The following EBF2 variants were observed in gnomAD, a reference collection of about 807,000 sequenced individuals.
EBF2 encodes transcription factor COE2.
EBF2 carries 21 observed loss-of-function variants against 72.8 expected under a neutral mutation model. The ratio of observed to expected loss-of-function variants is 0.29; its 90% CI spans 0.20 to 0.42. The LOEUF (loss-of-function observed/expected upper bound fraction) is 0.42. Among genes scored for constraint, EBF2 ranks in the 10% least tolerant of loss-of-function variants. The probability of loss-of-function intolerance (pLI) is 1.00; values close to 1 mark genes in which losing one functional copy is unlikely to be tolerated. For missense variants in EBF2, 637 were observed against 731.2 expected (o/e 0.87, Z 1.49); for synonymous variants, 299 against 274.2 (o/e 1.09, Z -0.89).
At chr8:25,859,893 T>A (rs1045929089) in intron 13 of EBF2, among the ~76,000 whole-genome samples, 1 of 152,044 alleles carries the variant, frequency 6.6e-6, no homozygotes, top group Non-Finnish European at 1.5e-5. Context: ...ATTTTTGTAT[T>A]TTTTGTAGAC....
Position 26,039,847 on chromosome 8 carries a change from T to C in EBF2, c.482+181A>G, listed in dbSNP as rs567046166. 2.6e-5 allele frequency among the ~76,000 whole-genome samples: 4 copies of C among 152,316 alleles called. No homozygotes were observed. In the East Asian group the frequency reaches 7.7e-4, roughly 29 times the overall value. Reference sequence around the variant, plus strand: ...GAGTCGTTCTGAGTCCCAATGGTTATGCTTTAAGACACTTGCATGAAGGGG... The same window carrying C: ...GAGTCGTTCTGAGTCCCAATGGTTACGCTTTAAGACACTTGCATGAAGGGG... On this transcript the variant is annotated intron_variant, in intron 5 of 15. Transcript: ENST00000520164.
At position 25,844,453 on chromosome 8, in the gene EBF2, G is replaced by A. The variant is rs116166848; in HGVS notation, c.*156C>T. The A allele has an allele frequency of 2.6e-4, 191 of 740,816 alleles. 2 individuals carry two copies. In the African/African-American group the frequency reaches 2.8e-3, roughly 11 times the overall value. 45.9% of individuals were successfully genotyped at this position (740,816 alleles called of 1,614,324 possible). On this transcript the variant is annotated 3_prime_UTR_variant, in exon 16 of 16. Coordinates refer to ENST00000520164, the MANE Select transcript of EBF2 (RefSeq NM_022659.4). ...GCCACCATCAGAGCTATAGGAGGAC[G>A]TGGGACCAAGTAAGATGCTGGCTCC...
At chr8:25,940,220 T>C (rs1246289441) in intron 6 of EBF2, among the ~76,000 whole-genome samples, 2 of 152,226 alleles carry the variant, frequency 1.3e-5, no homozygotes, top group Admixed American at 1.3e-4. Context: ...CCAGGGTTGC[T>C]ATGACTTATG....
At chr8:25,898,237 G>T (rs1326807626) in intron 7 of EBF2, among the ~76,000 whole-genome samples, 1 of 152,150 alleles carries the variant, frequency 6.6e-6, no homozygotes, top group Non-Finnish European at 1.5e-5. Context: ...TCAAGAAAGT[G>T]AGATTTAAGA....
intron 6 of EBF2, among the ~76,000 whole-genome samples, chr8:25,948,411 A>C (rs1001587407): frequency 1.3e-5 from 2 of 152,216 alleles, no homozygotes; most frequent in Non-Finnish European, 2.9e-5. Flanking sequence ...CAAAGGAAGC[A>C]GAATAGCTCC....
At chr8:25,898,511 G>C (rs1359082366) in intron 7 of EBF2, among the ~76,000 whole-genome samples, 1 of 150,544 alleles carries the variant, frequency 6.6e-6, no homozygotes, top group Non-Finnish European at 1.5e-5. Context: ...CATCTGCTTT[G>C]CAATACTGAA....
chr8:25,858,222 A>C, intron 14 of EBF2, 97 bp downstream of exon 14: 1 of 1,449,122 alleles, frequency 6.9e-7, no homozygotes, highest in Non-Finnish European at 9.6e-7. Context: ...CCGACAACTT[A>C]GGAAGATTTA....
chr8:25,925,655 A>T, intron 6 of EBF2, among the ~76,000 whole-genome samples: 1 of 152,064 alleles, frequency 6.6e-6, no homozygotes, highest in East Asian at 1.9e-4. Context: ...GGAACACAGA[A>T]TCACTCTTTG....
At chr8:25,905,186 A>G (rs563620844) in intron 7 of EBF2, among the ~76,000 whole-genome samples, 48 of 152,290 alleles carry the variant, frequency 3.2e-4, no homozygotes, top group Middle Eastern at 3.4e-3. Flanking sequence ...TTTTTTTAAA[A>G]CAGAAAATCC....
intron 6 of EBF2, among the ~76,000 whole-genome samples, chr8:25,920,217 T>C (rs1394288599): frequency 6.6e-6 from 1 of 152,248 alleles, no homozygotes; most frequent in Non-Finnish European, 1.5e-5. Context: ...GAAAGTATTA[T>C]GCTTTTCTTT....
intron 6 of EBF2, among the ~76,000 whole-genome samples, chr8:25,912,083 C>T (rs1048442353): frequency 2.6e-5 from 4 of 152,114 alleles, no homozygotes; most frequent in African/African-American, 9.7e-5. Flanking sequence ...ACAGGGGTCA[C>T]GGAGTGGAGG....
At chr8:25,915,003 C>T (rs1255369975) in intron 6 of EBF2, among the ~76,000 whole-genome samples, 1 of 152,152 alleles carries the variant, frequency 6.6e-6, no homozygotes, top group Non-Finnish European at 1.5e-5. Flanking sequence ...TCTCAAATTC[C>T]TCTTGCCTAA....
intron 10 of EBF2, among the ~76,000 whole-genome samples, chr8:25,885,658 A>G (rs1439799306): frequency 2.6e-5 from 4 of 152,044 alleles, no homozygotes. Flanking sequence ...CATGGTAGTG[A>G]GTAAGTCTCA....
At chr8:25,968,038 A>C (rs190897538) in intron 6 of EBF2, among the ~76,000 whole-genome samples, 18 of 152,346 alleles carry the variant, frequency 1.2e-4, no homozygotes, top group African/African-American at 4.3e-4. Context: ...TGAAAGAATC[A>C]GCAGAAAAAC....
intron 10 of EBF2, among the ~76,000 whole-genome samples, chr8:25,866,500 A>G (rs1188610007): frequency 3.5e-5 from 5 of 142,048 alleles, no homozygotes; most frequent in African/African-American, 1.3e-4. Flanking sequence ...TAATATATAT[A>G]ATATATAGGA....
intron 6 of EBF2, among the ~76,000 whole-genome samples, chr8:25,990,044 G>C (rs575166237): frequency 1.3e-5 from 2 of 152,252 alleles, no homozygotes; most frequent in Non-Finnish European, 2.9e-5. Flanking sequence ...GGAAACCTGA[G>C]ATCAGGAAGC....
chr8:25,885,363 G>A (rs1802672331), intron 10 of EBF2, among the ~76,000 whole-genome samples: 1 of 152,030 alleles, frequency 6.6e-6, no homozygotes. Flanking sequence ...TTTTTGTCTT[G>A]CAAAACTGAA....
intron 10 of EBF2, among the ~76,000 whole-genome samples, chr8:25,882,108 C>A (rs891629719): frequency 5.3e-5 from 8 of 152,174 alleles, no homozygotes; most frequent in African/African-American, 1.7e-4. Context: ...GTAACACAAG[C>A]CGCCTACGGA....
chr8:25,904,836 G>A (rs182152308), intron 7 of EBF2, among the ~76,000 whole-genome samples: 1 of 152,244 alleles, frequency 6.6e-6, no homozygotes, highest in East Asian at 1.9e-4. Context: ...ATTCTTAGTA[G>A]AATCTAAGTA....
Sources: allele counts gnomAD v4.1 joint callset (sites outside exome capture counted in the v4.1 genomes callset), GRCh38; gene constraint gnomAD v4.1.1; transcripts MANE v1.5; gene names NCBI Gene and HGNC (gene_info 2026-07-23, HGNC 2026-07-21).